Variants in GSG1L observed in about 807,000 individuals in gnomAD.
The protein encoded by GSG1L is GSG1 like, also known as germ cell-specific gene 1-like protein.
GSG1L carries 24 observed loss-of-function variants against 42.1 expected under a neutral mutation model. The ratio of observed to expected loss-of-function variants is 0.57; its 90% CI spans 0.41 to 0.80. The LOEUF (loss-of-function observed/expected upper bound fraction) is 0.80. Ranked by LOEUF, GSG1L falls within the 30% of genes least tolerant of loss-of-function variation. The probability of loss-of-function intolerance (pLI) is 0.00; values close to 1 mark genes in which losing one functional copy is unlikely to be tolerated. For missense variants in GSG1L, 445 were observed against 472.2 expected (o/e 0.94, Z 0.53); for synonymous variants, 215 against 203.5 (o/e 1.06, Z -0.48).
intron 1 of GSG1L, among the ~76,000 whole-genome samples, chr16:27,987,601 C>T (rs1321510602): frequency 6.6e-6 from 1 of 152,122 alleles, no homozygotes; most frequent in Non-Finnish European, 1.5e-5. Flanking sequence ...CATAGCCATC[C>T]CTGGGTGCCA....
At chr16:27,866,442 G>A (rs1309203040) in intron 3 of GSG1L, among the ~76,000 whole-genome samples, 1 of 152,170 alleles carries the variant, frequency 6.6e-6, no homozygotes, top group East Asian at 1.9e-4. Flanking sequence ...TTTTGGAGAA[G>A]GAGTAAGTAA....
At chr16:27,914,169 CAT>C (rs149488402) in intron 2 of GSG1L, among the ~76,000 whole-genome samples, 4,506 of 152,244 alleles carry the variant, frequency 0.03, 224 homozygotes, top group African/African-American at 0.1. Context: ...TCCTTGTACA[CAT>C]GTCTTCGTTG....
At chr16:28,043,227 G>T (rs935128813) in intron 1 of GSG1L, among the ~76,000 whole-genome samples, 1 of 152,186 alleles carries the variant, frequency 6.6e-6, no homozygotes, top group Non-Finnish European at 1.5e-5. Flanking sequence ...CCATCCTTTA[G>T]AAGACGAAAC....
intron 2 of GSG1L, among the ~76,000 whole-genome samples, chr16:27,907,503 T>A (rs2084333526): frequency 6.6e-6 from 1 of 152,224 alleles, no homozygotes. Flanking sequence ...CCTCTGGGGA[T>A]ATGAGCTCCC....
At chr16:27,986,519 A>G (rs2085385608) in intron 1 of GSG1L, among the ~76,000 whole-genome samples, 2 of 152,052 alleles carry the variant, frequency 1.3e-5, no homozygotes, top group East Asian at 3.9e-4. Context: ...AAAAAAAAAA[A>G]AAAGATAGAA....
At chr16:27,811,461 G>A (rs551089537) in intron 5 of GSG1L, among the ~76,000 whole-genome samples, 25 of 152,270 alleles carry the variant, frequency 1.6e-4, no homozygotes, top group African/African-American at 5.3e-4. Context: ...CATTGGTTAG[G>A]AGAGTGGACC....
intron 2 of GSG1L, among the ~76,000 whole-genome samples, chr16:27,946,603 G>A (rs71377616): frequency 7.1e-3 from 44 of 6,224 alleles, no homozygotes; most frequent in African/African-American, 0.015. Context: ...GAGAGAGAGA[G>A]AGAGAGAGAG....
chr16:27,817,651 G>A (rs564563951), intron 5 of GSG1L, among the ~76,000 whole-genome samples: 1 of 152,184 alleles, frequency 6.6e-6, no homozygotes, highest in East Asian at 1.9e-4. Flanking sequence ...GTGCCAACAT[G>A]TCTGGCTCCC....
At chr16:28,006,586 G>A (rs12933054) in intron 1 of GSG1L, among the ~76,000 whole-genome samples, 42,098 of 151,966 alleles carry the variant, frequency 0.28, 6,098 homozygotes, top group Middle Eastern at 0.34. Context: ...TGGGATTACA[G>A]GCATGAGCCA....
In GSG1L at chr16:27,796,958, T is replaced by G. The variant is rs554790532; in HGVS notation, c.899-5491A>C. On this transcript the variant is annotated intron_variant, in intron 6 of 6. Transcript: ENST00000447459. ...CCCCGGGTGCTCACAGGCACACATATGAAGAGATGACAAGACCAGACATGC... is the reference window on the plus strand; with the variant it reads ...CCCCGGGTGCTCACAGGCACACATAGGAAGAGATGACAAGACCAGACATGC... 3.9e-5 allele frequency among the ~76,000 whole-genome samples: 6 copies of G among 152,260 alleles called. 1 individual carries two copies. Among genetic ancestry groups the G allele is most frequent in the African/African-American group, 1.4e-4 (6 of 41,536 alleles).
At chr16:28,062,565 G>A (rs1480712021) in intron 1 of GSG1L, among the ~76,000 whole-genome samples, 12 of 152,194 alleles carry the variant, frequency 7.9e-5, no homozygotes, top group Admixed American at 6.5e-4. Context: ...GTTCGGCGTG[G>A]GTTGGCGATG....
In GSG1L at chr16:27,884,698, G is replaced by A; in HGVS notation, c.398-60C>T. 1.4e-5 allele frequency: 21 copies of A among 1,486,554 alleles called. No homozygotes were observed. Among genetic ancestry groups the A allele is most frequent in the Non-Finnish European group, 1.9e-5 (21 of 1,097,946 alleles). 92.1% of individuals were successfully genotyped at this position (1,486,554 alleles called of 1,614,324 possible). ...GGGCCACCCAAGATAGACTCACCCT[G>A]TGCCTATTCCTCCCACAACAGCAGA... On this transcript the variant is annotated intron_variant, in intron 2 of 6. Transcript: ENST00000447459. The surrounding 1 kb of genome is among the most constrained non-coding windows in gnomAD (Gnocchi z 4.4).
At chr16:27,979,596 A>T (rs1026345157) in intron 1 of GSG1L, among the ~76,000 whole-genome samples, 1 of 145,066 alleles carries the variant, frequency 6.9e-6, no homozygotes, top group African/African-American at 2.6e-5. Context: ...GAAGGAAGGA[A>T]GGAAGAAAGA....
chr16:28,049,672 G>T (rs1022186005), intron 1 of GSG1L, among the ~76,000 whole-genome samples: 4 of 149,350 alleles, frequency 2.7e-5, no homozygotes, highest in Non-Finnish European at 5.9e-5. Context: ...GGGCAACACA[G>T]TGAGACCCTG....
chr16:28,000,578 C>T (rs1161030063), intron 1 of GSG1L, among the ~76,000 whole-genome samples: 1 of 152,158 alleles, frequency 6.6e-6, no homozygotes, highest in African/African-American at 2.4e-5. Flanking sequence ...TTTTCCCCTC[C>T]AGACTGGTGC....
intron 2 of GSG1L, among the ~76,000 whole-genome samples, chr16:27,947,489 G>C (rs1051316280): frequency 6.8e-6 from 1 of 146,832 alleles, no homozygotes; most frequent in Non-Finnish European, 1.5e-5. Context: ...AAGGAAGAAA[G>C]AAAGAAAGAG....
chr16:28,019,055 A>G (rs991163961), intron 1 of GSG1L, among the ~76,000 whole-genome samples: 2 of 152,070 alleles, frequency 1.3e-5, no homozygotes, highest in African/African-American at 4.8e-5. Flanking sequence ...GCCACTGTAC[A>G]CCCTGTGTCA....
At chr16:27,829,082 T>C in intron 4 of GSG1L, 126 bp from the exon 5 acceptor site, 1 of 840,634 alleles carries the variant, frequency 1.2e-6, no homozygotes, top group Non-Finnish European at 1.8e-6. Context: ...AAGCAGTTAC[T>C]GCCACAGAGA....
At chr16:27,935,045 G>A (rs546842423) in intron 2 of GSG1L, among the ~76,000 whole-genome samples, 1 of 152,240 alleles carries the variant, frequency 6.6e-6, no homozygotes, top group Non-Finnish European at 1.5e-5. Flanking sequence ...TCGGGGATTT[G>A]CAGGAGGGAC....
Sources: gnomAD v4.1 joint callset for allele counts (sites outside exome capture counted in the v4.1 genomes callset) on GRCh38, gnomAD v4.1.1 for gene constraint, Gnocchi (gnomAD v3.1) non-coding constraint, MANE v1.5 for transcripts, NCBI Gene and HGNC (gene_info 2026-07-23, HGNC 2026-07-21) for gene names.